The following FLNC variants were observed in gnomAD, a reference collection of about 807,000 sequenced individuals.
FLNC encodes the protein filamin C.
Under a neutral mutation model 254.3 loss-of-function variants are expected in FLNC, and 91 were observed. The ratio of observed to expected loss-of-function variants is 0.36; its 90% CI spans 0.30 to 0.43. The LOEUF (loss-of-function observed/expected upper bound fraction) is 0.43, where lower values mean the gene tolerates loss of function less well. Ranked by LOEUF, FLNC falls within the 20% of genes least tolerant of loss-of-function variation. The pLI, the probability that FLNC is intolerant of heterozygous loss-of-function variation, is 1.00. For missense variants in FLNC, 2,853 were observed against 3,802.6 expected (o/e 0.75, Z 6.57); for synonymous variants, 1,430 against 1,577.2 (o/e 0.91, Z 2.21).
rs1489260279 is a variant in FLNC, at chr7:128,836,706, T to C, written c.602-454T>C. ...ACCCTAAGACTGGTGTGGAAAGCGT[T>C]TGGAGTTCTAGAGCTTCGGGGCAGC... On this transcript the variant is annotated intron_variant, in intron 2 of 47. Transcript: ENST00000325888. This position sits in a 1 kb window ranked among gnomAD's most constrained non-coding sequence, Gnocchi z 6.0. Among the ~76,000 whole-genome samples, 1 of 152,092 alleles carries C rather than the reference T, an allele frequency of 6.6e-6. No homozygotes were observed. The highest frequency in any genetic ancestry group is 2.4e-5 in the African/African-American group (1 of 41,402).
rs765205740 is a variant in FLNC at position 128,856,505 on chromosome 7, G to A, written c.7252-13G>A. 15 of 1,610,940 alleles carry A rather than the reference G, an allele frequency of 9.3e-6. No individual in the cohort carries two copies. Among genetic ancestry groups the A allele is most frequent in the South Asian group, 5.5e-5 (5 of 91,088 alleles). On this transcript the variant is annotated splice_polypyrimidine_tract_variant and intron_variant, in intron 43 of 47. Transcript: ENST00000325888. This position sits in a 1 kb window ranked among gnomAD's most constrained non-coding sequence, Gnocchi z 5.9. ...CCTCCCAGGAGTCTGAGCATCCTCC[G>A]TGGCCTTTGCAGGAGACGGGGCTCA...
rs2128935165 is a variant in FLNC at position 128,841,027 on chromosome 7, CTG to C, written c.1813+60_1813+61del. On this transcript the variant is annotated intron_variant, in intron 11 of 47. Transcript: ENST00000325888. This position sits in a 1 kb window ranked among gnomAD's most constrained non-coding sequence, Gnocchi z 4.3. ...CTGCGGGGGAGGGCAGCAGGGGACACTGTGGGTAATGGGTGCAGTGCGCATGC... is the reference window on the plus strand; with the variant it reads ...CTGCGGGGGAGGGCAGCAGGGGACACTGGGTAATGGGTGCAGTGCGCATGC... 5 of 1,570,300 alleles carry C rather than the reference CTG, an allele frequency of 3.2e-6. No individual in the cohort carries two copies. Among genetic ancestry groups the C allele is most frequent in the Non-Finnish European group, 1.7e-6 (2 of 1,154,828 alleles).
chr7:128,855,387 A>G (rs998968681), intron 43 of FLNC, 73 bp downstream of exon 43: 13 of 978,162 alleles, frequency 1.3e-5, no homozygotes, highest in South Asian at 2.6e-5. Context: ...CAGCAGGTCC[A>G]TGGGGCCAGG....
At chr7:128,851,022 A>T (rs1301807732) in intron 33 of FLNC, 79 bp downstream of exon 33, 21 of 1,579,976 alleles carry the variant, frequency 1.3e-5, no homozygotes, top group Middle Eastern at 1.7e-4. Flanking sequence ...CCCTCTTTCA[A>T]CAAATATTTA....
At position 128,840,574 on chromosome 7, in the gene FLNC, C is replaced by A; in HGVS notation, c.1576C>A (p.Arg526=). Residue 526 remains arginine, a synonymous_variant, in exon 10 of 48, where the codon CGG becomes AGG. Transcript: ENST00000325888. ...GGGCACAGAGGAGCCAGTGAAGGTG[C>A]GGGAGGCTGGGGATGGTGTGTTCGA... The part of the protein sequence containing the change: ...PKGTEEPVKV[R]EAGDGVFECE... 3 of 1,614,158 alleles carry A rather than the reference C, an allele frequency of 1.9e-6. No homozygotes were observed. The highest frequency in any genetic ancestry group is 2.5e-6 in the Non-Finnish European group (3 of 1,180,022).
Position 128,840,918 on chromosome 7 carries a change from C to A in FLNC, c.1761C>A (p.Gly587=), listed in dbSNP as rs1808304576. 1 of 1,610,756 alleles carries A rather than the reference C, an allele frequency of 6.2e-7. No homozygotes were observed. The highest frequency in any genetic ancestry group is 1.7e-5 in the Admixed American group (1 of 59,512). The part of the protein sequence containing the change: ...WGPGLETGQV[G]KSADFVVEAI... ...CTGGTTTGGAGACTGGCCAGGTGGG[C>A]AAGTCAGCCGATTTTGTGGTGGAAG... The change falls in exon 11 of 48, where the codon GGC becomes GGA. Residue 587 remains glycine (G), a synonymous_variant. Coordinates refer to ENST00000325888, the MANE Select transcript of FLNC (RefSeq NM_001458.5).
At position 128,849,179 on chromosome 7, in the gene FLNC, A is replaced by G; in HGVS notation, c.4928-2A>G. ...TGGCCTCACACTCTTCTCTCTTTCCAGTGTCCATTGGAGGCCATGGCCTGG... is the reference window on the plus strand; with the variant it reads ...TGGCCTCACACTCTTCTCTCTTTCCGGTGTCCATTGGAGGCCATGGCCTGG... On this transcript the variant is annotated splice_acceptor_variant, in intron 28 of 47. Coordinates refer to ENST00000325888, the MANE Select transcript of FLNC (RefSeq NM_001458.5). LOFTEE classifies it high-confidence loss of function. The G allele has an allele frequency of 6.2e-7, 1 of 1,611,716 alleles. No homozygotes were observed.
rs1808205241 is a variant in FLNC, at chr7:128,838,665, G to A, written c.1273G>A (p.Glu425Lys). 1 of 1,613,066 alleles carries A rather than the reference G, an allele frequency of 6.2e-7. No individual in the cohort carries two copies. Among genetic ancestry groups the A allele is most frequent in the Non-Finnish European group, 8.5e-7 (1 of 1,180,006 alleles). Reference protein sequence around the residue: ...VDPQGRRDTVEVALEDKGDST... With the variant: ...VDPQGRRDTVKVALEDKGDST... ...CCCACAGGGCCGGCGGGACACAGTG[G>A]AGGTGGCCCTGGAGGACAAGGGTGA... Residue 425 changes from glutamate (E) to lysine (K), a missense_variant, in exon 8 of 48, where the codon GAG becomes AAG. By Grantham distance (56) the Glu-to-Lys change is moderately conservative (BLOSUM62 1). Coordinates refer to ENST00000325888, the MANE Select transcript of FLNC (RefSeq NM_001458.5).
rs1808870019 is a variant in FLNC at position 128,852,672 on chromosome 7, G to A, written c.5924G>A (p.Ser1975Asn). 6.2e-7 allele frequency: 1 copy of A among 1,613,214 alleles called. No homozygotes were observed. The highest frequency in any genetic ancestry group is 8.5e-7 in the Non-Finnish European group (1 of 1,180,028). Residue 1975 changes from serine (S) to asparagine (N), a missense_variant, in exon 36 of 48, where the codon AGC becomes AAC. Physicochemically the swap from Ser to Asn is conservative, Grantham distance 46. This residue lies in a region of FLNC where 551 missense variants were observed against 835.0 expected (regional missense o/e 0.66). Coordinates refer to ENST00000325888, the MANE Select transcript of FLNC (RefSeq NM_001458.5). ...CTGAAGATCACCGAGAGTGATCTGA[G>A]CCAGCTGACCGCCAGCATCCGTGCC... Reference protein sequence around the residue: ...VSLKITESDLSQLTASIRAPS... With the variant: ...VSLKITESDLNQLTASIRAPS...
chr7:128,849,422 G>A lies in FLNC; in HGVS notation c.5043G>A (p.Thr1681=), dbSNP rs200405579. ...KAAGEGKVTC[T]VSTPDGAELD... ...CCGGTGAGGGGAAGGTGACATGCAC[G>A]GTGTCCACGCCGGATGGGGCAGAGC... is the stretch of plus-strand genomic sequence containing the variant. Residue 1681 remains threonine (T), a synonymous_variant, in exon 30 of 48, where the codon ACG becomes ACA. Coordinates refer to ENST00000325888, the MANE Select transcript of FLNC (RefSeq NM_001458.5). 9.9e-6 allele frequency: 16 copies of A among 1,614,218 alleles called. No homozygotes were observed. The highest frequency in any genetic ancestry group is 1.3e-5 in the African/African-American group (1 of 75,074).
At chr7:128,834,465 A>G (rs1360133939) in intron 1 of FLNC, among the ~76,000 whole-genome samples, 1 of 146,152 alleles carries the variant, frequency 6.8e-6, no homozygotes, top group African/African-American at 2.5e-5. Flanking sequence ...AATGTACTGG[A>G]CCCCACCCAC....
Position 128,848,218 on chromosome 7 carries a change from C to T in FLNC, c.4580+150C>T, listed in dbSNP as rs1003544278. ...CTCGCCACCCCATCCCGCTCTTCCC[C>T]GGGGCTCTCTGCTGTGAGGCTTTCC... On this transcript the variant is annotated intron_variant, in intron 26 of 47. Transcript: ENST00000325888. 30 of 1,069,166 alleles carry T rather than the reference C, an allele frequency of 2.8e-5. No homozygotes were observed. The South Asian group carries it at 3.3e-4, about 12-fold the overall frequency. 66.2% of individuals were successfully genotyped at this position (1,069,166 alleles called of 1,614,324 possible).
At position 128,845,207 on chromosome 7, in the gene FLNC, G is replaced by T. The variant is rs764474178; in HGVS notation, c.3742G>T (p.Val1248Phe). ...CACCCGTGTCCATGTGCAGCCTGCG[G>T]TCGATACCAGTGGCGTCAAGGTCTC... ...FPTRVHVQPA[V>F]DTSGVKVSGP... Residue 1248 changes from valine to phenylalanine, a missense_variant, in exon 21 of 48, where the codon GTC becomes TTC. Val to Phe is a conservative substitution (Grantham distance 50). Around this residue, in one of 10 missense-constraint regions of FLNC, gnomAD observed 1,573 missense variants for 1,883.5 expected, o/e 0.84. Transcript: ENST00000325888. 1 of 1,613,890 alleles carries T rather than the reference G, an allele frequency of 6.2e-7. No individual in the cohort carries two copies. Among genetic ancestry groups the T allele is most frequent in the South Asian group, 1.1e-5 (1 of 91,080 alleles).
chr7:128,858,830 CT>C lies in FLNC; in HGVS notation c.*308del. 1 of 471,254 alleles carries C rather than the reference CT, an allele frequency of 2.1e-6. No individual in the cohort carries two copies. Among genetic ancestry groups the C allele is most frequent in the Non-Finnish European group, 3.9e-6 (1 of 255,810 alleles). The allele number at this position is 471,254 out of a possible 1,614,324, so 29.2% of individuals were successfully genotyped here. ...CGAGGGCTGCGAGGCCAGGGAAGCC[CT>C]GAGTTTCTGGCGGGGCTGAGCAGTG... On this transcript the variant is annotated 3_prime_UTR_variant, in exon 48 of 48. Transcript: ENST00000325888. The surrounding 1 kb of genome is among the most constrained non-coding windows in gnomAD (Gnocchi z 6.7).
In FLNC at chr7:128,849,167, TTC is replaced by T. The variant is rs1808699253; in HGVS notation, c.4928-8_4928-7del. 2 of 1,611,956 alleles carry T rather than the reference TTC, an allele frequency of 1.2e-6. No individual in the cohort carries two copies. The highest frequency in any genetic ancestry group is 1.7e-6 in the Non-Finnish European group (2 of 1,179,352). Reference sequence around the variant, plus strand: ...TTGAGCACCGCCTGGCCTCACACTCTTCTCTCTTTCCAGTGTCCATTGGAGGC... The same window carrying T: ...TTGAGCACCGCCTGGCCTCACACTCTTCTCTTTCCAGTGTCCATTGGAGGC... On this transcript the variant is annotated splice_polypyrimidine_tract_variant and intron_variant, in intron 28 of 47. Transcript: ENST00000325888.
Position 128,853,454 on chromosome 7 carries a change from C to G in FLNC, c.6209-15C>G. ...GCCTAGGACTGAGGGAGATGTGTTC[C>G]TTGCTTTCCCCCAGGTTATGGGGGC... On this transcript the variant is annotated splice_polypyrimidine_tract_variant and intron_variant, in intron 37 of 47. Coordinates refer to ENST00000325888, the MANE Select transcript of FLNC (RefSeq NM_001458.5). 6.2e-7 allele frequency: 1 copy of G among 1,613,708 alleles called. No homozygotes were observed. Among genetic ancestry groups the G allele is most frequent in the East Asian group, 2.2e-5 (1 of 44,862 alleles).
chr7:128,830,889 C>G lies in FLNC; in HGVS notation c.252C>G (p.Arg84=). 6.2e-7 allele frequency: 1 copy of G among 1,613,124 alleles called. No homozygotes were observed. Among genetic ancestry groups the G allele is most frequent in the Middle Eastern group, 1.6e-4 (1 of 6,062 alleles). ...LEVLSQKRMY[R]KFHPRPNFRQ... is the part of the protein sequence containing the mutation. The stretch of plus-strand genomic sequence containing the variant: ...TGCTCAGCCAGAAGCGCATGTACCG[C>G]AAGTTCCATCCGCGCCCCAACTTCC... The change falls in exon 1 of 48, where the codon CGC becomes CGG. Residue 84 remains arginine (R), a synonymous_variant. Coordinates refer to ENST00000325888, the MANE Select transcript of FLNC (RefSeq NM_001458.5).
chr7:128,839,873 G>A (rs373074147), intron 8 of FLNC, 150 bp from the exon 9 acceptor site: 13 of 1,000,406 alleles, frequency 1.3e-5, no homozygotes, highest in South Asian at 6.0e-5. Flanking sequence ...CGGCAGCCCC[G>A]GTTGTGCTGG....
Position 128,842,099 on chromosome 7 carries a change from C to A in FLNC, c.2122-132C>A. The A allele has an allele frequency of 2.1e-6, 2 of 941,440 alleles. No homozygotes were observed. The highest frequency in any genetic ancestry group is 2.6e-5 in the East Asian group (1 of 38,142). The allele number at this position is 941,440 out of a possible 1,614,324, so 58.3% of individuals were successfully genotyped here. ...AGCACGTGGCCCTGGGCTCTGGTGGCCTCAGTGGCTGGTGTGGGGGCGGGA... is the reference window on the plus strand; with the variant it reads ...AGCACGTGGCCCTGGGCTCTGGTGGACTCAGTGGCTGGTGTGGGGGCGGGA... On this transcript the variant is annotated intron_variant, in intron 13 of 47. Coordinates refer to ENST00000325888, the MANE Select transcript of FLNC (RefSeq NM_001458.5). The surrounding 1 kb of genome is among the most constrained non-coding windows in gnomAD (Gnocchi z 5.4).
Sources: gnomAD v4.1 joint callset for allele counts (sites outside exome capture counted in the v4.1 genomes callset) on GRCh38, gnomAD v4.1.1 for gene constraint, gnomAD v4.1.1 regional missense constraint, Gnocchi (gnomAD v3.1) non-coding constraint, MANE v1.5 for transcripts, NCBI Gene and HGNC (gene_info 2026-07-23, HGNC 2026-07-21) for gene names.